The following KMT2A variants were observed in gnomAD, a reference collection of about 807,000 sequenced individuals.
KMT2A encodes lysine methyltransferase 2A.
A neutral mutation model predicts 345.3 loss-of-function variants in KMT2A; 16 were observed. The ratio of observed to expected loss-of-function variants is 0.05; its 90% CI spans 0.03 to 0.07. The LOEUF (loss-of-function observed/expected upper bound fraction) is 0.07, where lower values mean the gene tolerates loss of function less well. KMT2A is among the 10% of genes least tolerant of loss of function. KMT2A has a pLI of 1.00. For missense variants in KMT2A, 3,272 were observed against 4,841.6 expected (o/e 0.68, Z 9.62); for synonymous variants, 1,599 against 1,778.6 (o/e 0.90, Z 2.54).
chr11:118,504,961 G>A lies in KMT2A; in HGVS notation c.9069G>A (p.Gln3023=), dbSNP rs1555047491. The change falls in exon 27 of 36, where the codon CAG becomes CAA. Residue 3023 remains glutamine (Q), a synonymous_variant. Transcript: ENST00000534358. This position sits in a 1 kb window ranked among gnomAD's most constrained non-coding sequence, Gnocchi z 6.4. The stretch of plus-strand genomic sequence containing the variant: ...TAGAGCAAGGTCATGGCAACAATCA[G>A]GATTTAACTAGGAACAGTAGCACCC... ...GSVEQGHGNN[Q]DLTRNSSTPG... The A allele has an allele frequency of 6.2e-6, 10 of 1,614,030 alleles. No homozygotes were observed. The highest frequency in any genetic ancestry group is 8.5e-6 in the Non-Finnish European group (10 of 1,180,054).
Position 118,521,212 on chromosome 11 carries a change from G to A in KMT2A, c.11514-76G>A, listed in dbSNP as rs572445603. ...CTCCTGGGGAACTAACAGACCAGGA[G>A]AACTTATTCATGTATTCACGCACTT... is the stretch of plus-strand genomic sequence containing the variant. On this transcript the variant is annotated intron_variant, in intron 34 of 35. Coordinates refer to ENST00000534358, the MANE Select transcript of KMT2A (RefSeq NM_001197104.2). The surrounding 1 kb of genome is among the most constrained non-coding windows in gnomAD (Gnocchi z 5.3). 2.7e-6 allele frequency: 4 copies of A among 1,495,920 alleles called. No homozygotes were observed. In the South Asian group the frequency reaches 4.7e-5, roughly 18 times the overall value. 92.7% of individuals were successfully genotyped at this position (1,495,920 alleles called of 1,614,324 possible).
At chr11:118,437,682 C>CG (rs1429927675) in intron 1 of KMT2A, among the ~76,000 whole-genome samples, 1 of 151,582 alleles carries the variant, frequency 6.6e-6, no homozygotes, top group Non-Finnish European at 1.5e-5. Context: ...TCTTCCCCCC[C>CG]CCGCCCCGTC....
intron 8 of KMT2A, among the ~76,000 whole-genome samples, chr11:118,483,868 TA>T (rs1310397066): frequency 6.6e-6 from 1 of 152,042 alleles, no homozygotes; most frequent in South Asian, 2.1e-4. Flanking sequence ...ACAGTTGCTA[TA>T]AAAAATTTAA....
At chr11:118,466,319 G>A (rs1949843260) in intron 1 of KMT2A, among the ~76,000 whole-genome samples, 2 of 152,098 alleles carry the variant, frequency 1.3e-5, no homozygotes, top group African/African-American at 4.8e-5. Flanking sequence ...GACAGAGTGA[G>A]CACTGGCAAA....
Position 118,472,548 on chromosome 11 carries a change from T to G in KMT2A, c.1389T>G (p.Ser463Arg). ...APSCGSSEKS[S>R]AASQHSSQMS... ...CCTGTGGATCTTCTGAAAAATCAAG[T>G]GCAGCTTCTCAGCACTCCTCTCAAA... The change falls in exon 3 of 36, where the codon AGT (serine) becomes AGG (arginine). Residue 463 changes from serine (S) to arginine (R), a missense_variant. By Grantham distance (110) the Ser-to-Arg change is moderately radical. This residue lies in a region of KMT2A where 180 missense variants were observed against 190.7 expected (regional missense o/e 0.94). Coordinates refer to ENST00000534358, the MANE Select transcript of KMT2A (RefSeq NM_001197104.2). 6.2e-7 allele frequency: 1 copy of G among 1,612,554 alleles called. No individual in the cohort carries two copies. Among genetic ancestry groups the G allele is most frequent in the Non-Finnish European group, 8.5e-7 (1 of 1,179,746 alleles).
At chr11:118,485,810 C>T (rs370542169) in intron 10 of KMT2A, among the ~76,000 whole-genome samples, 56 of 152,186 alleles carry the variant, frequency 3.7e-4, no homozygotes, top group Non-Finnish European at 6.8e-4. Flanking sequence ...TAGCTGGGCA[C>T]GGTGGCTCAC....
rs1950535270 is a variant in KMT2A at position 118,503,543 on chromosome 11, T to C, written c.7651T>C (p.Leu2551=). ...ALKESSPASP[L]QIESTSPTEP... is the part of the protein sequence containing the mutation. Reference sequence around the variant, plus strand: ...GAAAGAAAGTAGTCCTGCTTCCCCTTTGCAAATAGAGTCAACATCTCCCAC... The same window carrying C: ...GAAAGAAAGTAGTCCTGCTTCCCCTCTGCAAATAGAGTCAACATCTCCCAC... Residue 2551 remains leucine (L), a synonymous_variant, in exon 27 of 36, where the codon TTG becomes CTG. Coordinates refer to ENST00000534358, the MANE Select transcript of KMT2A (RefSeq NM_001197104.2). The surrounding 1 kb of genome is among the most constrained non-coding windows in gnomAD (Gnocchi z 5.3). The C allele has an allele frequency of 6.2e-7, 1 of 1,614,130 alleles. No individual in the cohort carries two copies. Among genetic ancestry groups the C allele is most frequent in the Admixed American group, 1.7e-5 (1 of 60,014 alleles).
Position 118,510,369 on chromosome 11 carries a change from C to T in KMT2A, c.11071+251C>T, listed in dbSNP as rs1950662036. Among the ~76,000 whole-genome samples, 1 of 152,204 alleles carries T rather than the reference C, an allele frequency of 6.6e-6. No homozygotes were observed. Among genetic ancestry groups the T allele is most frequent in the Non-Finnish European group, 1.5e-5 (1 of 68,034 alleles). ...CACACCTTAGCGGAGCCCCTGAGAA[C>T]TCTGCTTCCCCCTCCAGCCTTGTTT... On this transcript the variant is annotated intron_variant, in intron 30 of 35. Coordinates refer to ENST00000534358, the MANE Select transcript of KMT2A (RefSeq NM_001197104.2). The surrounding 1 kb of genome is among the most constrained non-coding windows in gnomAD (Gnocchi z 4.1).
intron 28 of KMT2A, among the ~76,000 whole-genome samples, chr11:118,508,543 C>G (rs1555049227): frequency 6.6e-6 from 1 of 151,880 alleles, no homozygotes; most frequent in African/African-American, 2.4e-5. Flanking sequence ...TTGAAACCAA[C>G]CTTGGCAACA....
At position 118,491,430 on chromosome 11, in the gene KMT2A, A is replaced by C; in HGVS notation, c.4819+112A>C. On this transcript the variant is annotated intron_variant, in intron 14 of 35. Transcript: ENST00000534358. The surrounding 1 kb of genome is among the most constrained non-coding windows in gnomAD (Gnocchi z 4.2). ...TTGTGTTGTTATTTGAAATCTCTAA[A>C]TTTATTTTTTAGTCTCTAGAATAAG... is the stretch of plus-strand genomic sequence containing the variant. The C allele has an allele frequency of 9.2e-7, 1 of 1,091,816 alleles. No individual in the cohort carries two copies. The highest frequency in any genetic ancestry group is 1.3e-6 in the Non-Finnish European group (1 of 777,578). 67.6% of individuals were successfully genotyped at this position (1,091,816 alleles called of 1,614,324 possible).
Position 118,482,572 on chromosome 11 carries a change from C to CTAT in KMT2A, c.4086+78_4086+80dup, listed in dbSNP as rs1950153599. On this transcript the variant is annotated intron_variant, in intron 8 of 35. Coordinates refer to ENST00000534358, the MANE Select transcript of KMT2A (RefSeq NM_001197104.2). ...TAGGGAAAAGCCTTATCCTTGACTT[C>CTAT]TATGTAGATGGCAGTGGAATTTCTT... The CTAT allele has an allele frequency of 2.9e-6, 3 of 1,029,136 alleles. No homozygotes were observed. In the Admixed American group the frequency reaches 6.3e-5, roughly 22 times the overall value. 63.8% of individuals were successfully genotyped at this position (1,029,136 alleles called of 1,614,324 possible).
chr11:118,501,941 T>C, intron 26 of KMT2A, 84 bp downstream of exon 26: 1 of 1,151,720 alleles, frequency 8.7e-7, no homozygotes, highest in Non-Finnish European at 1.2e-6. Context: ...TTTATCTTGG[T>C]GACTTTTACT....
intron 1 of KMT2A, among the ~76,000 whole-genome samples, chr11:118,453,787 C>T (rs558987090): frequency 2.6e-5 from 4 of 152,302 alleles, no homozygotes; most frequent in Admixed American, 6.5e-5. Flanking sequence ...CACTAGTATT[C>T]CCATTTCATA....
At chr11:118,501,916 ATTCT>A in intron 26 of KMT2A, 59 bp downstream of exon 26, 2 of 1,381,706 alleles carry the variant, frequency 1.4e-6, no homozygotes, top group African/African-American at 2.9e-5. Flanking sequence ...CTAATTTGTA[ATTCT>A]TTCAGGCAAC....
intron 1 of KMT2A, among the ~76,000 whole-genome samples, chr11:118,452,162 C>T (rs1555029170): frequency 6.6e-6 from 1 of 152,120 alleles, no homozygotes; most frequent in East Asian, 1.9e-4. Flanking sequence ...CTCCCTCAGC[C>T]TCCAAAATAG....
At position 118,501,206 on chromosome 11, in the gene KMT2A, G is replaced by A. The variant is rs542065416; in HGVS notation, c.6319+59G>A. On this transcript the variant is annotated intron_variant, in intron 25 of 35. Transcript: ENST00000534358. ...GGCACAGTGGCTCACGCCTGTAATC[G>A]CAGCACTTTGGGAGGCTGAGGCAGG... 101 of 1,517,232 alleles carry A rather than the reference G, an allele frequency of 6.7e-5. No individual in the cohort carries two copies. The African/African-American group carries it at 9.4e-4, about 14-fold the overall frequency. The allele number at this position is 1,517,232 out of a possible 1,614,324, so 94.0% of individuals were successfully genotyped here. A position where few individuals can be genotyped will look rare whatever the true frequency, so the allele number is the denominator to read the frequency against.
rs566487102 is a variant in KMT2A at position 118,437,671 on chromosome 11, C to G, written c.432+727C>G. Among the ~76,000 whole-genome samples, 12 of 149,192 alleles carry G rather than the reference C, an allele frequency of 8.0e-5. No homozygotes were observed. In the East Asian group the frequency reaches 1.8e-3, roughly 22 times the overall value. Reference sequence around the variant, plus strand: ...TAACGGTGATTCCTCATACAGCAGTCTCTTCCCCCCCCCGCCCCGTCTTAC... The same window carrying G: ...TAACGGTGATTCCTCATACAGCAGTGTCTTCCCCCCCCCGCCCCGTCTTAC... On this transcript the variant is annotated intron_variant, in intron 1 of 35. Transcript: ENST00000534358.
chr11:118,465,922 GT>G (rs571382642), intron 1 of KMT2A, among the ~76,000 whole-genome samples: 1 of 151,548 alleles, frequency 6.6e-6, no homozygotes, highest in Non-Finnish European at 1.5e-5. Flanking sequence ...GTTTTGTTTT[GT>G]TTTTTTGGTA....
chr11:118,489,722 G>C, intron 11 of KMT2A, 70 bp from the exon 12 acceptor site: 1 of 1,244,054 alleles, frequency 8.0e-7, no homozygotes, highest in African/African-American at 1.5e-5. Flanking sequence ...TGTGAAATGG[G>C]GTACTAAGTA....
Sources: gnomAD v4.1 joint callset for allele counts (sites outside exome capture counted in the v4.1 genomes callset) on GRCh38, gnomAD v4.1.1 for gene constraint, gnomAD v4.1.1 regional missense constraint, Gnocchi (gnomAD v3.1) non-coding constraint, MANE v1.5 for transcripts, NCBI Gene and HGNC (gene_info 2026-07-23, HGNC 2026-07-21) for gene names.